CRIM1: variants seen among roughly 807,000 people sequenced by gnomAD.
CRIM1 encodes the protein cysteine-rich motor neuron 1 protein.
Under a neutral mutation model 116.4 loss-of-function variants are expected in CRIM1, and 32 were observed. The ratio of observed to expected loss-of-function variants is 0.27; its 90% CI spans 0.21 to 0.37. The LOEUF (loss-of-function observed/expected upper bound fraction) is 0.37. Ranked by LOEUF, CRIM1 falls within the 10% of genes least tolerant of loss-of-function variation. The pLI is 1.00. For synonymous variants in CRIM1, 590 were observed against 509.2 expected, an observed-to-expected ratio of 1.16 and a Z score of -2.13; for missense variants, 1,331 against 1,354.8, an observed-to-expected ratio of 0.98 and a Z score of 0.28.
At chr2:36,376,401 G>A (rs555249501) in intron 1 of CRIM1, among the ~76,000 whole-genome samples, 16 of 152,350 alleles carry the variant, frequency 1.1e-4, no homozygotes, top group African/African-American at 3.4e-4. Flanking sequence ...AACAGTAGGC[G>A]AGCGTTCATA....
chr2:36,397,480 C>T (rs1427013252), intron 2 of CRIM1, among the ~76,000 whole-genome samples: 1 of 152,092 alleles, frequency 6.6e-6, no homozygotes, highest in East Asian at 1.9e-4. Context: ...GGGGTAAAGC[C>T]TGGGTTTGGG....
rs1441090754 is a variant in CRIM1 at position 36,547,140 on chromosome 2, C to T, written c.2903C>T (p.Pro968Leu). 1.2e-6 allele frequency: 2 copies of T among 1,612,602 alleles called. No individual in the cohort carries two copies. The highest frequency in any genetic ancestry group is 1.7e-6 in the Non-Finnish European group (2 of 1,179,192). Residue 968 changes from proline (P) to leucine (L), a missense_variant, in exon 16 of 17, where the codon CCA (proline) becomes CTA (leucine). Around this residue, in one of 3 missense-constraint regions of CRIM1, gnomAD observed 283 missense variants for 242.8 expected, o/e 1.17. Transcript: ENST00000280527. ...ATCAATCAGAAGAAACAGTGGATAC[C>T]ACTGCTTTGCTGGTATCGAACACCA... The part of the protein sequence containing the change: ...LFINQKKQWI[P>L]LLCWYRTPTK...
At chr2:36,485,651 A>G (rs1417053043) in intron 7 of CRIM1, among the ~76,000 whole-genome samples, 2 of 152,156 alleles carry the variant, frequency 1.3e-5, no homozygotes, top group Non-Finnish European at 2.9e-5. Context: ...TGATTAAGCT[A>G]CTGCTTTTGT....
intron 10 of CRIM1, chr2:36,513,224 C>T: frequency 7.2e-6 from 2 of 276,144 alleles, no homozygotes; most frequent in South Asian, 4.8e-5. Context: ...AGCGATTTTT[C>T]TGAATACATT....
chr2:36,410,408 A>G (rs1030491907), intron 2 of CRIM1, among the ~76,000 whole-genome samples: 4 of 152,162 alleles, frequency 2.6e-5, no homozygotes, highest in Admixed American at 1.3e-4. Context: ...TAATATATCC[A>G]TTTATTTGTC....
At chr2:36,437,755 A>T (rs17018790) in intron 2 of CRIM1, among the ~76,000 whole-genome samples, 20,498 of 152,188 alleles carry the variant, frequency 0.13, 1,412 homozygotes, top group East Asian at 0.29. Context: ...GCAGCTCTTA[A>T]GACATAAATC....
chr2:36,490,462 C>T (rs1055393880), intron 7 of CRIM1, among the ~76,000 whole-genome samples: 1 of 152,140 alleles, frequency 6.6e-6, no homozygotes, highest in South Asian at 2.1e-4. Context: ...AGTAGACCCC[C>T]ATTGTGAGAA....
chr2:36,546,402 TAGGCCTA>T (rs1236102518), intron 15 of CRIM1, among the ~76,000 whole-genome samples: 1 of 152,176 alleles, frequency 6.6e-6, no homozygotes, highest in Non-Finnish European at 1.5e-5. Flanking sequence ...AATGATCTAA[TAGGCCTA>T]AGCAAGATTT....
intron 4 of CRIM1, among the ~76,000 whole-genome samples, chr2:36,446,361 C>T (rs543014347): frequency 6.6e-6 from 1 of 152,340 alleles, no homozygotes; most frequent in Non-Finnish European, 1.5e-5. Context: ...ATTCATCAAA[C>T]ATGAATTGAG....
intron 9 of CRIM1, among the ~76,000 whole-genome samples, 154 bp downstream of exon 9, chr2:36,510,293 GA>G (rs1316837242): frequency 6.6e-6 from 1 of 152,146 alleles, no homozygotes; most frequent in Non-Finnish European, 1.5e-5. Context: ...AGAAAGCAGG[GA>G]GAAGGTTGTA....
chr2:36,391,567 A>G (rs1671606987), intron 1 of CRIM1, among the ~76,000 whole-genome samples: 1 of 152,164 alleles, frequency 6.6e-6, no homozygotes, highest in Non-Finnish European at 1.5e-5. Flanking sequence ...ATTCATTTTT[A>G]TGGTTCCACG....
At chr2:36,431,639 TG>T (rs1332702205) in intron 2 of CRIM1, among the ~76,000 whole-genome samples, 1 of 152,226 alleles carries the variant, frequency 6.6e-6, no homozygotes, top group Non-Finnish European at 1.5e-5. Flanking sequence ...TGACAAATAC[TG>T]GAGGTTTAAA....
intron 1 of CRIM1, among the ~76,000 whole-genome samples, chr2:36,380,418 CA>C (rs1670656998): frequency 6.6e-6 from 1 of 152,170 alleles, no homozygotes. Flanking sequence ...CATCATGCTG[CA>C]GCCCTAAGCT....
At chr2:36,508,159 A>G (rs1407343989) in intron 8 of CRIM1, among the ~76,000 whole-genome samples, 1 of 152,242 alleles carries the variant, frequency 6.6e-6, no homozygotes, top group African/African-American at 2.4e-5. Context: ...TCTTTTAAGG[A>G]TGCAAATTAG....
At chr2:36,383,275 T>G (rs2148341397) in intron 1 of CRIM1, among the ~76,000 whole-genome samples, 1 of 152,364 alleles carries the variant, frequency 6.6e-6, no homozygotes, top group East Asian at 1.9e-4. Context: ...TAATTTGAAA[T>G]GTAAAAATCT....
chr2:36,459,899 C>G (rs568534639), intron 4 of CRIM1, among the ~76,000 whole-genome samples: 1 of 152,296 alleles, frequency 6.6e-6, no homozygotes, highest in South Asian at 2.1e-4. Flanking sequence ...AGCTCGGACT[C>G]TGACCTTCTG....
intron 4 of CRIM1, among the ~76,000 whole-genome samples, chr2:36,457,366 G>C (rs368582409): frequency 8.0e-6 from 1 of 125,292 alleles, no homozygotes; most frequent in South Asian, 3.0e-4. Flanking sequence ...CAACAACAAC[G>C]AAAGGCAGAG....
intron 1 of CRIM1, among the ~76,000 whole-genome samples, chr2:36,387,053 G>T (rs893758403): frequency 3.3e-5 from 5 of 152,182 alleles, no homozygotes; most frequent in African/African-American, 1.2e-4. Context: ...TCCATGCCGG[G>T]TACTCAAATG....
intron 1 of CRIM1, among the ~76,000 whole-genome samples, chr2:36,362,672 T>C (rs1473324868): frequency 6.6e-6 from 1 of 152,100 alleles, no homozygotes; most frequent in Non-Finnish European, 1.5e-5. Flanking sequence ...ACTTCCTAAG[T>C]CAAGACAGAG....
Sources: allele counts gnomAD v4.1 joint callset (sites outside exome capture counted in the v4.1 genomes callset), GRCh38; gene constraint gnomAD v4.1.1; regional missense constraint gnomAD v4.1.1; transcripts MANE v1.5; gene names NCBI Gene and HGNC (gene_info 2026-07-23, HGNC 2026-07-21).